CDH4: variants seen among roughly 807,000 people sequenced by gnomAD.
CDH4 encodes cadherin 4.
CDH4 carries 33 observed loss-of-function variants against 86.0 expected under a neutral mutation model. That is an observed-to-expected ratio of 0.38 (90% CI 0.29 to 0.51). The LOEUF is 0.51. Among genes scored for constraint, CDH4 ranks in the 20% least tolerant of loss-of-function variants. CDH4 has a pLI of 0.86. For synonymous variants in CDH4, 555 were observed against 549.4 expected (o/e 1.01, Z -0.14); for missense variants, 1,114 against 1,307.4 (o/e 0.85, Z 2.28).
rs1407857407 is a variant in CDH4, at chr20:61,936,881, A to G, written c.2689A>G (p.Asn897Asp). The G allele has an allele frequency of 1.9e-6, 3 of 1,594,052 alleles. No homozygotes were observed. Among genetic ancestry groups the G allele is most frequent in the Non-Finnish European group, 2.6e-6 (3 of 1,170,360 alleles). Reference protein sequence around the residue: ...SSGDQDYDYLNDWGPRFKKLA... With the variant: ...SSGDQDYDYLDDWGPRFKKLA... ...CGGGGACCAAGACTACGATTACCTC[A>G]ACGACTGGGGGCCCAGATTCAAGAA... is the stretch of plus-strand genomic sequence containing the variant. Residue 897 changes from asparagine to aspartate, a missense_variant, in exon 16 of 16, where the codon AAC (asparagine) becomes GAC (aspartate). Transcript: ENST00000614565.
intron 2 of CDH4, among the ~76,000 whole-genome samples, chr20:61,735,604 C>T (rs889503754): frequency 3.9e-5 from 6 of 152,328 alleles, no homozygotes; most frequent in African/African-American, 1.4e-4. Flanking sequence ...GCCTTCGGGG[C>T]CACTGCGGGG....
chr20:61,545,700 C>A (rs1328491740), intron 2 of CDH4, among the ~76,000 whole-genome samples: 1 of 152,152 alleles, frequency 6.6e-6, no homozygotes, highest in Non-Finnish European at 1.5e-5. Context: ...ATGCTTGGCG[C>A]CAGCGGGCAG....
At chr20:61,345,107 G>A (rs1380157186) in intron 2 of CDH4, among the ~76,000 whole-genome samples, 1 of 152,198 alleles carries the variant, frequency 6.6e-6, no homozygotes, top group African/African-American at 2.4e-5. Flanking sequence ...TTCGATGGAC[G>A]ATCAAATTCT....
At chr20:61,716,675 G>A (rs113654556) in intron 2 of CDH4, among the ~76,000 whole-genome samples, 6,504 of 152,300 alleles carry the variant, frequency 0.043, 429 homozygotes, top group African/African-American at 0.14. Flanking sequence ...TTGGGAGGCC[G>A]AGGCAGGAGG....
At chr20:61,398,517 G>A (rs2085031557) in intron 2 of CDH4, among the ~76,000 whole-genome samples, 1 of 152,206 alleles carries the variant, frequency 6.6e-6, no homozygotes, top group Admixed American at 6.5e-5. Flanking sequence ...TGGGTAGGAG[G>A]AGACCAGGGA....
At chr20:61,817,245 A>G (rs1980763956) in intron 4 of CDH4, among the ~76,000 whole-genome samples, 1 of 152,160 alleles carries the variant, frequency 6.6e-6, no homozygotes, top group Non-Finnish European at 1.5e-5. Context: ...TCAGGACCCC[A>G]AGGCAGGGGC....
chr20:61,333,762 T>A (rs1300514254), intron 2 of CDH4, among the ~76,000 whole-genome samples: 1 of 152,254 alleles, frequency 6.6e-6, no homozygotes, highest in African/African-American at 2.4e-5. Flanking sequence ...TGCCCTTGTA[T>A]CAGAGTGGCT....
rs535226111 is a variant in CDH4 at position 61,369,487 on chromosome 20, G to A, written c.169+114550G>A. Reference sequence around the variant, plus strand: ...AAAAAAAAAAAAAAAGAATGACATCGTTGGGGCAATAAGCAGAATCTGGGT... The same window carrying A: ...AAAAAAAAAAAAAAAGAATGACATCATTGGGGCAATAAGCAGAATCTGGGT... On this transcript the variant is annotated intron_variant, in intron 2 of 15. Transcript: ENST00000614565. Among the ~76,000 whole-genome samples, 14 of 147,294 alleles carry A rather than the reference G, an allele frequency of 9.5e-5. No homozygotes were observed. In the South Asian group the frequency reaches 2.0e-3, roughly 21 times the overall value.
intron 2 of CDH4, among the ~76,000 whole-genome samples, chr20:61,529,983 G>A (rs1389751898): frequency 6.6e-6 from 1 of 152,054 alleles, no homozygotes; most frequent in Non-Finnish European, 1.5e-5. Flanking sequence ...GATTACAGGT[G>A]CCTGCCACCA....
At chr20:61,588,302 G>A (rs6089423) in intron 2 of CDH4, among the ~76,000 whole-genome samples, 2 of 152,218 alleles carry the variant, frequency 1.3e-5, no homozygotes, top group Admixed American at 1.3e-4. Flanking sequence ...GAACTAGGAA[G>A]GCGTAGGTCT....
At chr20:61,743,029 G>A (rs2088363186) in intron 2 of CDH4, among the ~76,000 whole-genome samples, 1 of 152,196 alleles carries the variant, frequency 6.6e-6, no homozygotes, top group Non-Finnish European at 1.5e-5. Flanking sequence ...CAGAAACACA[G>A]CAGAGCCGAG....
chr20:61,541,961 A>G (rs951962422), intron 2 of CDH4, among the ~76,000 whole-genome samples: 4 of 152,066 alleles, frequency 2.6e-5, no homozygotes, highest in African/African-American at 7.2e-5. Flanking sequence ...GCCTGGTTTG[A>G]GCAATGAAAG....
chr20:61,552,165 A>G (rs2145674654), intron 2 of CDH4, among the ~76,000 whole-genome samples: 1 of 152,388 alleles, frequency 6.6e-6, no homozygotes, highest in African/African-American at 2.4e-5. Flanking sequence ...TGTGTTTTAA[A>G]GGATACCATC....
chr20:61,297,760 T>C (rs1339501111), intron 2 of CDH4, among the ~76,000 whole-genome samples: 1 of 152,268 alleles, frequency 6.6e-6, no homozygotes, highest in Non-Finnish European at 1.5e-5. Context: ...CATTAGCGCG[T>C]GTCAGCCCCT....
At chr20:61,380,766 G>A (rs4558659) in intron 2 of CDH4, among the ~76,000 whole-genome samples, 37,671 of 152,120 alleles carry the variant, frequency 0.25, 5,028 homozygotes, top group African/African-American at 0.34. Context: ...TCATGATGCT[G>A]AAAGAGGGTG....
intron 4 of CDH4, among the ~76,000 whole-genome samples, chr20:61,835,671 C>T (rs566209042): frequency 6.6e-6 from 1 of 152,350 alleles, no homozygotes. Flanking sequence ...AGACATCACT[C>T]GTCCCTCCCG....
intron 3 of CDH4, among the ~76,000 whole-genome samples, chr20:61,753,732 T>C (rs1034214460): frequency 6.6e-6 from 1 of 152,194 alleles, no homozygotes; most frequent in African/African-American, 2.4e-5. Flanking sequence ...TATTGTATCT[T>C]CTAGCACACG....
intron 2 of CDH4, among the ~76,000 whole-genome samples, chr20:61,348,881 T>C (rs1270163131): frequency 6.6e-6 from 1 of 152,104 alleles, no homozygotes; most frequent in Non-Finnish European, 1.5e-5. Context: ...TGACACAGGG[T>C]CTCTAAAAGT....
chr20:61,539,995 C>A (rs777530251), intron 2 of CDH4, among the ~76,000 whole-genome samples: 1 of 152,178 alleles, frequency 6.6e-6, no homozygotes, highest in Non-Finnish European at 1.5e-5. Flanking sequence ...CCCCGATGCC[C>A]GCAGCGTTCA....
Sources: gnomAD v4.1 joint callset for allele counts (sites outside exome capture counted in the v4.1 genomes callset) on GRCh38, gnomAD v4.1.1 for gene constraint, MANE v1.5 for transcripts, NCBI Gene and HGNC (gene_info 2026-07-23, HGNC 2026-07-21) for gene names.